NCK2: variants seen among roughly 807,000 people sequenced by gnomAD.
The protein encoded by NCK2 is NCK adaptor protein 2, also known as cytoplasmic protein NCK2.
A neutral mutation model predicts 33.9 loss-of-function variants in NCK2; 16 were observed. That is an observed-to-expected ratio of 0.47 (90% confidence interval 0.32 to 0.72). The LOEUF is 0.72. Ranked by LOEUF, NCK2 falls within the 30% of genes least tolerant of loss-of-function variation. The pLI, the probability that NCK2 is intolerant of heterozygous loss-of-function variation, is 0.03. For missense variants in NCK2, 418 were observed against 537.3 expected (o/e 0.78, Z 2.19); for synonymous variants, 273 against 239.9 (o/e 1.14, Z -1.27).
chr2:105,848,319 C>G (rs1173115983), intron 2 of NCK2, among the ~76,000 whole-genome samples: 1 of 152,200 alleles, frequency 6.6e-6, no homozygotes, highest in Non-Finnish European at 1.5e-5. Context: ...TGGCTTTCTG[C>G]AGCTGAAGAG....
chr2:105,783,983 G>A (rs1690587551), intron 1 of NCK2, among the ~76,000 whole-genome samples: 1 of 152,256 alleles, frequency 6.6e-6, no homozygotes, highest in South Asian at 2.1e-4. Flanking sequence ...GCAGGTCACT[G>A]AGTAAGCAGC....
chr2:105,880,798 C>T (rs1161407376), intron 3 of NCK2, among the ~76,000 whole-genome samples: 1 of 152,148 alleles, frequency 6.6e-6, no homozygotes, highest in Non-Finnish European at 1.5e-5. Flanking sequence ...GTTTTAGAGA[C>T]AGGGCCTCAC....
intron 3 of NCK2, 62 bp downstream of exon 3, chr2:105,855,351 CTAGT>C: frequency 8.1e-7 from 1 of 1,236,316 alleles, no homozygotes; most frequent in Non-Finnish European, 1.1e-6. Flanking sequence ...GTTCGTCTTT[CTAGT>C]TAGTTTGCTG....
chr2:105,835,959 T>C (rs1401928847), intron 2 of NCK2, among the ~76,000 whole-genome samples: 1 of 151,024 alleles, frequency 6.6e-6, no homozygotes. Flanking sequence ...AATTATTCAG[T>C]TCCAAGACTT....
At chr2:105,866,316 T>C (rs940431376) in intron 3 of NCK2, among the ~76,000 whole-genome samples, 1 of 152,232 alleles carries the variant, frequency 6.6e-6, no homozygotes, top group Admixed American at 6.5e-5. Context: ...TGACATTGTG[T>C]CTCTTTTCCC....
intron 1 of NCK2, among the ~76,000 whole-genome samples, 178 bp downstream of exon 1, chr2:105,745,316 C>T (rs1689242118): frequency 2.0e-5 from 3 of 151,700 alleles, no homozygotes; most frequent in South Asian, 2.1e-4. Context: ...CCCCCGACCG[C>T]GGACTGCCGG....
At chr2:105,856,373 G>C (rs1677272551) in intron 3 of NCK2, among the ~76,000 whole-genome samples, 1 of 152,136 alleles carries the variant, frequency 6.6e-6, no homozygotes, top group African/African-American at 2.4e-5. Context: ...CTGTATCCAA[G>C]ACTGCAGGTT....
chr2:105,835,663 G>A (rs1170635610), intron 2 of NCK2, among the ~76,000 whole-genome samples: 1 of 151,464 alleles, frequency 6.6e-6, no homozygotes, highest in African/African-American at 2.4e-5. Context: ...CCTGGATCTG[G>A]ATTCTTTCTC....
intron 1 of NCK2, among the ~76,000 whole-genome samples, chr2:105,774,889 A>C (rs1690252490): frequency 6.7e-6 from 1 of 150,096 alleles, no homozygotes; most frequent in South Asian, 2.1e-4. Context: ...CAGCTGAAAA[A>C]ACGCTTTCTA....
At chr2:105,803,190 A>G (rs184051449) in intron 1 of NCK2, among the ~76,000 whole-genome samples, 10 of 152,308 alleles carry the variant, frequency 6.6e-5, no homozygotes, top group African/African-American at 2.4e-4. Flanking sequence ...TTGTTAATAT[A>G]AACATTTATT....
At chr2:105,852,909 A>G (rs1389965732) in intron 2 of NCK2, among the ~76,000 whole-genome samples, 2 of 152,212 alleles carry the variant, frequency 1.3e-5, no homozygotes, top group African/African-American at 4.8e-5. Flanking sequence ...TATTGTATAT[A>G]TTATGCAGAG....
chr2:105,850,253 G>T (rs546760562), intron 2 of NCK2, among the ~76,000 whole-genome samples: 14 of 152,286 alleles, frequency 9.2e-5, no homozygotes, highest in African/African-American at 3.1e-4. Context: ...TGTTGTAGGG[G>T]CACTGGCTAC....
intron 1 of NCK2, among the ~76,000 whole-genome samples, chr2:105,762,207 C>T (rs1010093669): frequency 4.6e-5 from 7 of 152,252 alleles, no homozygotes; most frequent in African/African-American, 1.7e-4. Flanking sequence ...GGGCTTAAAC[C>T]AGGTGATCTC....
At chr2:105,776,385 T>C (rs1286654376) in intron 1 of NCK2, among the ~76,000 whole-genome samples, 1 of 152,258 alleles carries the variant, frequency 6.6e-6, no homozygotes, top group Non-Finnish European at 1.5e-5. Context: ...TCAGAACCCC[T>C]GTCACCATGC....
chr2:105,758,708 C>T (rs534718889), intron 1 of NCK2, among the ~76,000 whole-genome samples: 82 of 152,140 alleles, frequency 5.4e-4, no homozygotes, highest in African/African-American at 1.9e-3. Flanking sequence ...GAGCCCGTCC[C>T]GTTTTTGTAT....
intron 1 of NCK2, among the ~76,000 whole-genome samples, chr2:105,764,641 G>A (rs1474017954): frequency 6.6e-6 from 1 of 152,206 alleles, no homozygotes; most frequent in Non-Finnish European, 1.5e-5. Context: ...TTCCTGAGAT[G>A]TATTTTTCTG....
At chr2:105,761,659 C>G (rs1396055262) in intron 1 of NCK2, among the ~76,000 whole-genome samples, 1 of 152,188 alleles carries the variant, frequency 6.6e-6, no homozygotes, top group East Asian at 1.9e-4. Flanking sequence ...GGGAGGATTG[C>G]TTGAGCCCAG....
Position 105,771,479 on chromosome 2 carries a change from T to A in NCK2, c.-201+26341T>A, listed in dbSNP as rs183219059. On this transcript the variant is annotated intron_variant, in intron 1 of 4. Coordinates refer to ENST00000233154, the MANE Select transcript of NCK2 (RefSeq NM_003581.5). ...TACTTGGGAGGCTGAGTCAGGAGAA[T>A]CACTTGACCCGAGAGGTGAATGTTG... Among the ~76,000 whole-genome samples, 279 of 152,052 alleles carry A rather than the reference T, an allele frequency of 1.8e-3. 2 individuals carry two copies. The highest frequency in any genetic ancestry group is 6.2e-3 in the African/African-American group (256 of 41,484).
At chr2:105,832,885 G>T (rs558211725) in intron 2 of NCK2, among the ~76,000 whole-genome samples, 1 of 146,548 alleles carries the variant, frequency 6.8e-6, no homozygotes, top group African/African-American at 2.5e-5. Context: ...TTTTTGTTTC[G>T]TTTTGTTTTG....
Sources: allele counts gnomAD v4.1 joint callset (sites outside exome capture counted in the v4.1 genomes callset), GRCh38; gene constraint gnomAD v4.1.1; transcripts MANE v1.5; gene names NCBI Gene and HGNC (gene_info 2026-07-23, HGNC 2026-07-21).